FBXO30: variants seen among roughly 807,000 people sequenced by gnomAD.
FBXO30 encodes F-box only protein 30.
Under a neutral mutation model 58.1 loss-of-function variants are expected in FBXO30, and 21 were observed. That is an observed-to-expected ratio of 0.36 (90% confidence interval 0.26 to 0.52). The LOEUF (loss-of-function observed/expected upper bound fraction) is 0.52, where lower values mean the gene tolerates loss of function less well. Ranked by LOEUF, FBXO30 falls within the 20% of genes least tolerant of loss-of-function variation. The pLI is 0.93. For synonymous variants in FBXO30, 309 were observed against 312.4 expected (o/e 0.99, Z 0.11); for missense variants, 744 against 897.3 (o/e 0.83, Z 2.18).
Position 145,796,019 on chromosome 6 carries a change from A to G in FBXO30, c.*4087T>C, listed in dbSNP as rs1194101424. ...CAAATATCCTAGGCAACATTTTCCA[A>G]ATTTCCTTACATCTAAACATCTCTT... On this transcript the variant is annotated 3_prime_UTR_variant, in exon 3 of 3. Coordinates refer to ENST00000237281, the MANE Select transcript of FBXO30 (RefSeq NM_032145.5). 1.3e-5 allele frequency: 2 copies of G among 151,860 alleles called. No individual in the cohort carries two copies. Among genetic ancestry groups the G allele is most frequent in the African/African-American group, 4.8e-5 (2 of 41,396 alleles). 9.4% of individuals were successfully genotyped at this position (151,860 alleles called of 1,614,324 possible). A position where few individuals can be genotyped will look rare whatever the true frequency, so the allele number is the denominator to read the frequency against.
In FBXO30 at chr6:145,793,911, C is replaced by T. The variant is rs1475300668; in HGVS notation, c.*6195G>A. ...AACCACGGTTTGGGCATTTCACAAA[C>T]GTTGAGAACACTAGTTTTTGGCTTT... On this transcript the variant is annotated 3_prime_UTR_variant, in exon 3 of 3. Transcript: ENST00000237281. 1 of 151,994 alleles carries T rather than the reference C, an allele frequency of 6.6e-6. No homozygotes were observed. The highest frequency in any genetic ancestry group is 1.5e-5 in the Non-Finnish European group (1 of 67,902). The allele number at this position is 151,994 out of a possible 1,614,324, so 9.4% of individuals were successfully genotyped here. A position where few individuals can be genotyped will look rare whatever the true frequency, so the allele number is the denominator to read the frequency against.
Position 145,799,941 on chromosome 6 carries a change from C to G in FBXO30, c.*165G>C, listed in dbSNP as rs1446905448. ...ATTTCAAACATTAAGGCAACTTTTT[C>G]CAACTAAACAGTACTTTATAAAAAT... On this transcript the variant is annotated 3_prime_UTR_variant, in exon 3 of 3. Coordinates refer to ENST00000237281, the MANE Select transcript of FBXO30 (RefSeq NM_032145.5). The G allele has an allele frequency of 1.9e-6, 1 of 523,868 alleles. No homozygotes were observed. 32.5% of individuals were successfully genotyped at this position (523,868 alleles called of 1,614,324 possible). A position where few individuals can be genotyped will look rare whatever the true frequency, so the allele number is the denominator to read the frequency against.
chr6:145,802,829 A>G (rs73570033), intron 2 of FBXO30, among the ~76,000 whole-genome samples: 11,630 of 152,096 alleles, frequency 0.076, 1,515 homozygotes, highest in African/African-American at 0.26. Context: ...ACAGAAAAGC[A>G]AACCTGAGAG....
At position 145,806,235 on chromosome 6, in the gene FBXO30, T is replaced by G; in HGVS notation, c.171A>C (p.Arg57=). 1 of 1,614,080 alleles carries G rather than the reference T, an allele frequency of 6.2e-7. No individual in the cohort carries two copies. Among genetic ancestry groups the G allele is most frequent in the East Asian group, 2.2e-5 (1 of 44,878 alleles). The change falls in exon 2 of 3, where the codon CGA becomes CGC. Residue 57 remains arginine, a synonymous_variant. Coordinates refer to ENST00000237281, the MANE Select transcript of FBXO30 (RefSeq NM_032145.5). ...CAAAGTCACTATTTAAGCAAGGCACTCGTTCAAATGGACATAAAAGTCGAT... is the reference window on the plus strand; with the variant it reads ...CAAAGTCACTATTTAAGCAAGGCACGCGTTCAAATGGACATAAAAGTCGAT... ...DEHRLLCPFE[R]VPCLNSDFGC... is the part of the protein sequence containing the mutation.
rs368211050 is a variant in FBXO30 at position 145,805,366 on chromosome 6, G to C, written c.1040C>G (p.Pro347Arg). 37 of 1,613,954 alleles carry C rather than the reference G, an allele frequency of 2.3e-5. No homozygotes were observed. In the African/African-American group the frequency reaches 3.5e-4, roughly 15 times the overall value. Residue 347 changes from proline to arginine, a missense_variant, in exon 2 of 3, where the codon CCT becomes CGT. Coordinates refer to ENST00000237281, the MANE Select transcript of FBXO30 (RefSeq NM_032145.5). Reference sequence around the variant, plus strand: ...GAGGATATGCTGAACTGTGCCATTAGGCAAAGCACTGGATGGTATTATTTC... The same window carrying C: ...GAGGATATGCTGAACTGTGCCATTACGCAAAGCACTGGATGGTATTATTTC... ...LREIIPSSALPNGTVQHILMP... is the reference protein window; with the variant it reads ...LREIIPSSALRNGTVQHILMP...
In FBXO30 at chr6:145,797,752, A is replaced by C. The variant is rs1006140007; in HGVS notation, c.*2354T>G. ...ATTGAGGAAGGAGGCAGAGGACAAA[A>C]GTGAATTCAAATACTTCCCTCCATC... is the stretch of plus-strand genomic sequence containing the variant. On this transcript the variant is annotated 3_prime_UTR_variant, in exon 3 of 3. Transcript: ENST00000237281. The C allele has an allele frequency of 2.0e-5, 3 of 152,202 alleles. No individual in the cohort carries two copies. The highest frequency in any genetic ancestry group is 2.0e-4 in the Admixed American group (3 of 15,258). 9.4% of individuals were successfully genotyped at this position (152,202 alleles called of 1,614,324 possible).
intron 2 of FBXO30, among the ~76,000 whole-genome samples, chr6:145,802,230 A>T (rs893170116): frequency 2.7e-4 from 41 of 152,152 alleles, no homozygotes; most frequent in African/African-American, 8.9e-4. Flanking sequence ...CCAAGAAGCT[A>T]TCTTCAGGAG....
At position 145,794,151 on chromosome 6, in the gene FBXO30, G is replaced by C. The variant is rs1486947286; in HGVS notation, c.*5955C>G. 1 of 151,824 alleles carries C rather than the reference G, an allele frequency of 6.6e-6. No homozygotes were observed. Among genetic ancestry groups the C allele is most frequent in the African/African-American group, 2.4e-5 (1 of 41,376 alleles). 9.4% of individuals were successfully genotyped at this position (151,824 alleles called of 1,614,324 possible). On this transcript the variant is annotated 3_prime_UTR_variant, in exon 3 of 3. Coordinates refer to ENST00000237281, the MANE Select transcript of FBXO30 (RefSeq NM_032145.5). The stretch of plus-strand genomic sequence containing the variant: ...CCATTCCCCCAGCAACCATGAATCT[G>C]ATTTATCTCTATGAATTTACCTATT...
rs191275395 is a variant in FBXO30 at position 145,803,479 on chromosome 6, G to C, written c.2034+893C>G. ...GCTACGAATAAAGTAACCAGAGTTT[G>C]AATGCTGTGCAACTAAATGTAAAGT... On this transcript the variant is annotated intron_variant, in intron 2 of 2. Coordinates refer to ENST00000237281, the MANE Select transcript of FBXO30 (RefSeq NM_032145.5). Among the ~76,000 whole-genome samples, 11 of 152,258 alleles carry C rather than the reference G, an allele frequency of 7.2e-5. No individual in the cohort carries two copies. The East Asian group carries it at 2.1e-3, about 29-fold the overall frequency.
In FBXO30 at chr6:145,805,386, T is replaced by C. The variant is rs776361732; in HGVS notation, c.1020A>G (p.Ile340Met). The C allele has an allele frequency of 1.2e-6, 2 of 1,613,950 alleles. No homozygotes were observed. The highest frequency in any genetic ancestry group is 2.7e-5 in the African/African-American group (2 of 74,926). ...CATTAGGCAAAGCACTGGATGGTAT[T>C]ATTTCCCTAAGTTGTGCTGCCACCG... ...SLAVAAQLRE[I>M]IPSSALPNGT... Residue 340 changes from isoleucine (I) to methionine (M), a missense_variant, in exon 2 of 3, where the codon ATA becomes ATG. Around this residue, in one of 3 missense-constraint regions of FBXO30, gnomAD observed 275 missense variants for 262.0 expected, o/e 1.05. Transcript: ENST00000237281.
chr6:145,800,456 C>A (rs1181147436), intron 2 of FBXO30, 147 bp from the exon 3 acceptor site: 2 of 597,224 alleles, frequency 3.3e-6, no homozygotes, highest in Admixed American at 6.7e-5. Flanking sequence ...ATTGGTAAAT[C>A]CTTTTGGACA....
At chr6:145,801,707 A>G (rs1382682831) in intron 2 of FBXO30, among the ~76,000 whole-genome samples, 1 of 152,108 alleles carries the variant, frequency 6.6e-6, no homozygotes, top group Non-Finnish European at 1.5e-5. Flanking sequence ...ATTATGATCA[A>G]TTACCCTTTA....
rs1777809706 is a variant in FBXO30, at chr6:145,793,514, C to T, written c.*6592G>A. 1 of 151,812 alleles carries T rather than the reference C, an allele frequency of 6.6e-6. No homozygotes were observed. The highest frequency in any genetic ancestry group is 2.4e-5 in the African/African-American group (1 of 41,352). 9.4% of individuals were successfully genotyped at this position (151,812 alleles called of 1,614,324 possible). ...AAGCATAAAAATGTACACATCAGTA[C>T]AATTTATTTAGTCTTACTCTAATAC... On this transcript the variant is annotated 3_prime_UTR_variant, in exon 3 of 3. Coordinates refer to ENST00000237281, the MANE Select transcript of FBXO30 (RefSeq NM_032145.5).
chr6:145,813,905 G>A (rs1219594104), intron 1 of FBXO30, among the ~76,000 whole-genome samples: 2 of 152,106 alleles, frequency 1.3e-5, no homozygotes, highest in African/African-American at 4.8e-5. Flanking sequence ...TTGCCTCTTT[G>A]CCTCTATACT....
intron 1 of FBXO30, among the ~76,000 whole-genome samples, chr6:145,807,896 C>A (rs7450076): frequency 6.6e-6 from 1 of 151,912 alleles, no homozygotes; most frequent in African/African-American, 2.4e-5. Flanking sequence ...GGGAGGCCAA[C>A]ATAGGAGGGT....
At position 145,806,439 on chromosome 6, in the gene FBXO30, A is replaced by G. The variant is rs1289417765; in HGVS notation, c.-16-18T>C. The G allele has an allele frequency of 5.1e-6, 8 of 1,575,898 alleles. No homozygotes were observed. The highest frequency in any genetic ancestry group is 6.9e-6 in the Non-Finnish European group (8 of 1,163,958). On this transcript the variant is annotated intron_variant, in intron 1 of 2. Transcript: ENST00000237281. The stretch of plus-strand genomic sequence containing the variant: ...GTCCAGCTCTGGTTGATGAAATGGA[A>G]AAAGATAAGAAATTAGCCAAAAAAT...
intron 1 of FBXO30, chr6:145,811,948 T>G (rs1226539759): frequency 6.6e-6 from 1 of 152,164 alleles, no homozygotes; most frequent in Non-Finnish European, 1.5e-5. Flanking sequence ...GTTTATCAGG[T>G]GCACTCAGCT....
intron 1 of FBXO30, among the ~76,000 whole-genome samples, chr6:145,814,350 T>TGGCCCGGCATGC (rs1391699262): frequency 6.6e-6 from 1 of 152,148 alleles, no homozygotes; most frequent in East Asian, 1.9e-4. Context: ...CCTCAACGGC[T>TGGCCCGGCATGC]GGCCCGGCAT....
At chr6:145,810,474 AAAC>A (rs1778302867) in intron 1 of FBXO30, among the ~76,000 whole-genome samples, 1 of 152,228 alleles carries the variant, frequency 6.6e-6, no homozygotes, top group African/African-American at 2.4e-5. Context: ...GCACAGTAGA[AAAC>A]AACTAACATC....
Sources: allele counts gnomAD v4.1 joint callset (sites outside exome capture counted in the v4.1 genomes callset), GRCh38; gene constraint gnomAD v4.1.1; regional missense constraint gnomAD v4.1.1; transcripts MANE v1.5; gene names NCBI Gene and HGNC (gene_info 2026-07-23, HGNC 2026-07-21).